The following IQGAP3 variants were observed in gnomAD, a reference collection of about 807,000 sequenced individuals.
The protein encoded by IQGAP3 is ras GTPase-activating-like protein IQGAP3.
A neutral mutation model predicts 208.2 loss-of-function variants in IQGAP3; 165 were observed. The ratio of observed to expected loss-of-function variants is 0.79; its 90% CI spans 0.70 to 0.90. The LOEUF is 0.90. Among genes scored for constraint, IQGAP3 ranks in the 40% least tolerant of loss-of-function variants. The probability of loss-of-function intolerance (pLI) is 0.00; values close to 1 mark genes in which losing one functional copy is unlikely to be tolerated. For missense variants in IQGAP3, 1,811 were observed against 2,043.1 expected (o/e 0.89, Z 2.19); for synonymous variants, 703 against 803.6 (o/e 0.87, Z 2.12).
intron 19 of IQGAP3, among the ~76,000 whole-genome samples, chr1:156,546,365 C>T (rs975446124): frequency 2.0e-5 from 3 of 152,184 alleles, no homozygotes; most frequent in South Asian, 4.1e-4. Flanking sequence ...AGGACCCAGG[C>T]CAGAGCCCAC....
intron 13 of IQGAP3, among the ~76,000 whole-genome samples, chr1:156,552,498 C>A (rs1571343530): frequency 6.6e-6 from 1 of 152,234 alleles, no homozygotes; most frequent in East Asian, 1.9e-4. Context: ...CCTGCTTAAC[C>A]TGCATGTCCC....
intron 9 of IQGAP3, 111 bp downstream of exon 9, chr1:156,562,476 C>A: frequency 1.2e-6 from 1 of 867,216 alleles, no homozygotes; most frequent in South Asian, 1.4e-5. Context: ...AAGAGTTGGC[C>A]CAAATGAGAC....
chr1:156,550,343 C>T lies in IQGAP3; in HGVS notation c.1743G>A (p.Gly581=), dbSNP rs1401958628. 2.5e-6 allele frequency: 4 copies of T among 1,613,646 alleles called. No homozygotes were observed. The highest frequency in any genetic ancestry group is 3.4e-6 in the Non-Finnish European group (4 of 1,179,610). ...AAKRQKAQVT[G]DPGAVLWLEE... ...CAAGCCACAGCACAGCTCCAGGATC[C>T]CCTGTCACCTGGCAGATTGAGGGAG... Residue 581 remains glycine, a synonymous_variant, in exon 16 of 38, where the codon GGG becomes GGA. Transcript: ENST00000361170.
intron 27 of IQGAP3, among the ~76,000 whole-genome samples, chr1:156,536,353 GACAT>G (rs66700517): frequency 0.99 from 150,085 of 152,264 alleles, 74,006 homozygotes; most frequent in Middle Eastern, 1. Flanking sequence ...CGTGTTAAGT[GACAT>G]ACATAAGCCA....
chr1:156,563,107 T>C, intron 8 of IQGAP3, 27 bp downstream of exon 8: 1 of 1,536,658 alleles, frequency 6.5e-7, no homozygotes, highest in South Asian at 1.2e-5. Context: ...AACTTTTCGG[T>C]CCCTGCAACC....
intron 27 of IQGAP3, among the ~76,000 whole-genome samples, chr1:156,535,682 A>T (rs970701328): frequency 2.6e-5 from 4 of 152,164 alleles, no homozygotes; most frequent in Non-Finnish European, 5.9e-5. Flanking sequence ...GAGGTAGTCA[A>T]CCTTGTCAGC....
chr1:156,530,251 G>C lies in IQGAP3; in HGVS notation c.4258C>G (p.Arg1420Gly). 6.2e-7 allele frequency: 1 copy of C among 1,612,692 alleles called. No individual in the cohort carries two copies. The highest frequency in any genetic ancestry group is 8.5e-7 in the Non-Finnish European group (1 of 1,179,954). The change falls in exon 34 of 38, where the codon CGA (arginine) becomes GGA (glycine). Residue 1420 changes from arginine to glycine, a missense_variant. Transcript: ENST00000361170. ...ACTAQTPEPL[R>G]RHRSLTAHSL... The stretch of plus-strand genomic sequence containing the variant: ...TGAGCTGTCAGTGAGCGGTGTCGTC[G>C]CAGTGGCTCCGGTGTCTGGGCTGTA...
intron 11 of IQGAP3, among the ~76,000 whole-genome samples, chr1:156,557,806 GA>G (rs1227573494): frequency 8.1e-4 from 2 of 2,472 alleles, no homozygotes; most frequent in African/African-American, 9.1e-4. Context: ...GAGGTGGGGG[GA>G]TCAGCCCCCC....
intron 15 of IQGAP3, 131 bp from the exon 16 acceptor site, chr1:156,550,482 C>G: frequency 1.5e-6 from 1 of 672,146 alleles, no homozygotes; most frequent in Non-Finnish European, 2.7e-6. Context: ...CTCCACTCAG[C>G]TCTCTGCCCT....
In IQGAP3 at chr1:156,528,920, A is replaced by G. The variant is rs758575418; in HGVS notation, c.4567T>C (p.Ser1523Pro). The G allele has an allele frequency of 6.2e-7, 1 of 1,614,038 alleles. No individual in the cohort carries two copies. The highest frequency in any genetic ancestry group is 1.3e-5 in the African/African-American group (1 of 74,926). ...RACLDHLAPD[S>P]KSSGKGKKQP... is the part of the protein sequence containing the mutation. Reference sequence around the variant, plus strand: ...GTACGGGAAAGCAGCACCTACTTGGAGTCGGGGGCCAGGTGGTCCAGGCAG... The same window carrying G: ...GTACGGGAAAGCAGCACCTACTTGGGGTCGGGGGCCAGGTGGTCCAGGCAG... Residue 1523 changes from serine (S) to proline (P), a missense_variant, in exon 35 of 38, where the codon TCC (serine) becomes CCC (proline). Ser to Pro is a moderately conservative substitution (Grantham distance 74, BLOSUM62 -1). Coordinates refer to ENST00000361170, the MANE Select transcript of IQGAP3 (RefSeq NM_178229.5).
rs1676277482 is a variant in IQGAP3, at chr1:156,563,809, C to A, written c.453G>T (p.Arg151=). The A allele has an allele frequency of 1.9e-6, 3 of 1,613,872 alleles. No homozygotes were observed. Among genetic ancestry groups the A allele is most frequent in the South Asian group, 1.1e-5 (1 of 91,016 alleles). ...CATGTATCTGAGGGGCCAATCCCAG[C>A]CGGAAGAGGAAGAGACTAGGAAAAA... is the stretch of plus-strand genomic sequence containing the variant. ...CIHALSLFLF[R]LGLAPQIHDL... The change falls in exon 6 of 38, where the codon CGG becomes CGT. Residue 151 remains arginine (R), a synonymous_variant. Transcript: ENST00000361170.
At chr1:156,554,536 C>G in intron 12 of IQGAP3, 144 bp from the exon 13 acceptor site, 1 of 657,062 alleles carries the variant, frequency 1.5e-6, no homozygotes, top group South Asian at 2.5e-5. Flanking sequence ...TAATAATCAT[C>G]ATACAAAACA....
In IQGAP3 at chr1:156,531,266, G is replaced by A. The variant is rs748172554; in HGVS notation, c.4104-19C>T. On this transcript the variant is annotated intron_variant, in intron 32 of 37. Coordinates refer to ENST00000361170, the MANE Select transcript of IQGAP3 (RefSeq NM_178229.5). ...CTTGGTGCTGCACAAGGAGGACAGT[G>A]ACAGAGGAGAGGTAAGGGGCAGGGG... 3.7e-6 allele frequency: 6 copies of A among 1,601,682 alleles called. No individual in the cohort carries two copies. In the African/African-American group the frequency reaches 6.7e-5, roughly 18 times the overall value.
Position 156,531,265 on chromosome 1 carries a change from T to TAACA in IQGAP3, c.4104-19_4104-18insTGTT, listed in dbSNP as rs778325430. 3.1e-6 allele frequency: 5 copies of TAACA among 1,604,206 alleles called. No individual in the cohort carries two copies. In the African/African-American group the frequency reaches 6.7e-5, roughly 22 times the overall value. ...GCTTGGTGCTGCACAAGGAGGACAG[T>TAACA]GACAGAGGAGAGGTAAGGGGCAGGG... On this transcript the variant is annotated intron_variant, in intron 32 of 37. Transcript: ENST00000361170.
At chr1:156,531,328 G>GCACGGTCCACT in intron 32 of IQGAP3, 81 bp from the exon 33 acceptor site, 1 of 1,030,088 alleles carries the variant, frequency 9.7e-7, no homozygotes, top group Non-Finnish European at 1.5e-6. Context: ...AGGTCTGAGA[G>GCACGGTCCACT]TAAGTGGACC....
At chr1:156,563,336 G>A in intron 7 of IQGAP3, 24 bp from the exon 8 acceptor site, 6 of 1,566,594 alleles carry the variant, frequency 3.8e-6, no homozygotes, top group Non-Finnish European at 5.2e-6. Context: ...TGGAAACAAG[G>A]TCAGGAGGCC....
At chr1:156,541,102 T>C (rs1209975011) in intron 22 of IQGAP3, among the ~76,000 whole-genome samples, 186 bp from the exon 23 acceptor site, 1 of 151,862 alleles carries the variant, frequency 6.6e-6, no homozygotes, top group East Asian at 1.9e-4. Context: ...TAGCCAGGCC[T>C]GTCCCTGAGC....
chr1:156,528,424 C>T, intron 36 of IQGAP3, 85 bp downstream of exon 36: 1 of 952,040 alleles, frequency 1.1e-6, no homozygotes, highest in Admixed American at 2.1e-5. Context: ...TGCTTCTTCT[C>T]TTCCACCCGG....
At chr1:156,564,450 T>C (rs1676309740) in intron 5 of IQGAP3, among the ~76,000 whole-genome samples, 165 bp downstream of exon 5, 1 of 152,136 alleles carries the variant, frequency 6.6e-6, no homozygotes, top group African/African-American at 2.4e-5. Context: ...CCCACAGACA[T>C]GCACAAAAAT....
Sources: allele counts gnomAD v4.1 joint callset (sites outside exome capture counted in the v4.1 genomes callset), GRCh38; gene constraint gnomAD v4.1.1; transcripts MANE v1.5; gene names NCBI Gene and HGNC (gene_info 2026-07-23, HGNC 2026-07-21).